Variants in CPS1 observed in about 807,000 individuals in gnomAD.
CPS1 encodes carbamoyl-phosphate synthase 1, also known as carbamoyl-phosphate synthase [ammonia], mitochondrial.
CPS1 carries 109 observed loss-of-function variants against 174.6 expected under a neutral mutation model. The observed-to-expected ratio is 0.62, with a 90% CI of 0.53 to 0.73. The LOEUF (loss-of-function observed/expected upper bound fraction) is 0.73. CPS1 is among the 30% of genes least tolerant of loss of function. The pLI is 0.00. For missense variants in CPS1, 1,689 were observed against 1,821.9 expected, an observed-to-expected ratio of 0.93 and a Z score of 1.33; for synonymous variants, 637 against 632.0, an observed-to-expected ratio of 1.01 and a Z score of -0.12.
intron 32 of CPS1, 47 bp downstream of exon 32, chr2:210,660,702 A>G: frequency 6.5e-7 from 1 of 1,546,888 alleles, no homozygotes; most frequent in Non-Finnish European, 8.9e-7. Flanking sequence ...TTCTAGTGAA[A>G]TTAAAAGAAC....
chr2:210,663,442 T>C (rs1700988766), intron 33 of CPS1, among the ~76,000 whole-genome samples: 1 of 152,216 alleles, frequency 6.6e-6, no homozygotes, highest in South Asian at 2.1e-4. Context: ...CATGAGAACA[T>C]CTTCCAGGTA....
intron 21 of CPS1, among the ~76,000 whole-genome samples, chr2:210,628,756 C>T (rs1443135449): frequency 2.6e-5 from 4 of 151,490 alleles, no homozygotes; most frequent in East Asian, 1.9e-4. Context: ...GCCAAGATCA[C>T]GCCACTGCAC....
At chr2:210,547,063 A>G (rs1386231791) in intron 1 of CPS1, among the ~76,000 whole-genome samples, 1 of 152,064 alleles carries the variant, frequency 6.6e-6, no homozygotes, top group Non-Finnish European at 1.5e-5. Context: ...AGTGTTGAAG[A>G]GCCATCTTGG....
rs924071330 is a variant in CPS1 at position 210,485,557 on chromosome 2, C to T, written c.3+7791C>T. Among the ~76,000 whole-genome samples the T allele has an allele frequency of 3.3e-5, 5 of 152,122 alleles. No individual in the cohort carries two copies. In the East Asian group the frequency reaches 9.7e-4, roughly 29 times the overall value. ...TATAGTATGTAATTCTGATTTTTTT[C>T]ACTCAGTATAATTATTTTTAGATTT... is the stretch of plus-strand genomic sequence containing the variant. On this transcript the variant is annotated intron_variant, in intron 1 of 38. Transcript: ENST00000430249.
intron 1 of CPS1, among the ~76,000 whole-genome samples, chr2:210,505,991 A>T (rs1012520057): frequency 5.0e-4 from 76 of 152,222 alleles, no homozygotes; most frequent in Middle Eastern, 3.4e-3. Context: ...GGCAGCAGAA[A>T]CCTCTGCAGA....
intron 33 of CPS1, among the ~76,000 whole-genome samples, chr2:210,665,841 A>G (rs1274999798): frequency 6.9e-6 from 1 of 144,756 alleles, no homozygotes; most frequent in Non-Finnish European, 1.5e-5. Context: ...GTATATACCC[A>G]GTAATGGGAT....
At chr2:210,510,061 A>G (rs570771470) in intron 1 of CPS1, among the ~76,000 whole-genome samples, 64 of 152,296 alleles carry the variant, frequency 4.2e-4, no homozygotes, top group Non-Finnish European at 6.5e-4. Flanking sequence ...AAGAGCCCGC[A>G]TCGCCAAGTC....
At chr2:210,579,225 C>T (rs1400162533) in intron 4 of CPS1, among the ~76,000 whole-genome samples, 6 of 152,108 alleles carry the variant, frequency 3.9e-5, no homozygotes, top group Non-Finnish European at 8.8e-5. Context: ...GTGTCTCTAT[C>T]CAACGTAGTC....
At chr2:210,657,888 G>GA (rs1240869175) in intron 30 of CPS1, among the ~76,000 whole-genome samples, 8 of 152,362 alleles carry the variant, frequency 5.3e-5, no homozygotes, top group Middle Eastern at 3.4e-3. Context: ...ATGATCCTCA[G>GA]AACTCAGGAT....
chr2:210,592,837 A>G (rs1698353248), intron 10 of CPS1, 42 bp from the exon 11 acceptor site: 1 of 1,546,180 alleles, frequency 6.5e-7, no homozygotes, highest in Non-Finnish European at 8.9e-7. Context: ...CTTGACATTC[A>G]TTGTTACAGA....
chr2:210,480,419 C>T lies in CPS1; in HGVS notation c.3+2653C>T, dbSNP rs570334575. Reference sequence around the variant, plus strand: ...ACTTTGGTGGACAGTTAATGTCCTCCAATACATGATGGCAGTTTTAGTAAC... The same window carrying T: ...ACTTTGGTGGACAGTTAATGTCCTCTAATACATGATGGCAGTTTTAGTAAC... On this transcript the variant is annotated intron_variant, in intron 1 of 38. Transcript: ENST00000430249. Among the ~76,000 whole-genome samples the T allele has an allele frequency of 2.4e-4, 36 of 152,274 alleles. No homozygotes were observed. The South Asian group carries it at 7.5e-3, about 32-fold the overall frequency.
intron 34 of CPS1, chr2:210,671,648 T>G (rs962508493): frequency 1.3e-5 from 2 of 152,200 alleles, no homozygotes; most frequent in Non-Finnish European, 2.9e-5. Flanking sequence ...AGAGGCTGTT[T>G]TATGTGTCAC....
rs773713162 is a variant in CPS1 at position 210,600,698 on chromosome 2, T to A, written c.1693T>A (p.Phe565Ile). Reference sequence around the variant, plus strand: ...GATCAATGAAAAGATTGCTCCAAGTTTTGCAGTGGAATCGGTAAGGATTCT... The same window carrying A: ...GATCAATGAAAAGATTGCTCCAAGTATTGCAGTGGAATCGGTAAGGATTCT... Reference protein sequence around the residue: ...NEINEKIAPSFAVESIEDALK... With the variant: ...NEINEKIAPSIAVESIEDALK... The change falls in exon 15 of 38, where the codon TTT becomes ATT. Residue 565 changes from phenylalanine (F) to isoleucine (I), a missense_variant. Transcript: ENST00000233072. The A allele has an allele frequency of 2.2e-5, 35 of 1,611,914 alleles. No homozygotes were observed. The highest frequency in any genetic ancestry group is 2.8e-5 in the Non-Finnish European group (33 of 1,178,640).
chr2:210,607,552 C>G (rs762468356), intron 18 of CPS1, among the ~76,000 whole-genome samples: 1 of 151,894 alleles, frequency 6.6e-6, no homozygotes, highest in Non-Finnish European at 1.5e-5. Context: ...TTTAAATGAA[C>G]ACAATATTTA....
At chr2:210,671,983 C>T (rs1047682456) in intron 34 of CPS1, 6 of 152,114 alleles carry the variant, frequency 3.9e-5, no homozygotes, top group African/African-American at 1.2e-4. Context: ...AATGAGTGAA[C>T]GATAGTCTTC....
intron 34 of CPS1, among the ~76,000 whole-genome samples, chr2:210,670,944 A>G (rs549983511): frequency 1.3e-5 from 2 of 152,342 alleles, no homozygotes; most frequent in South Asian, 2.1e-4. Context: ...AATCTATTAC[A>G]TTCCCTGTGT....
chr2:210,492,955 CAT>C (rs1694908047), intron 1 of CPS1, among the ~76,000 whole-genome samples: 1 of 152,018 alleles, frequency 6.6e-6, no homozygotes, highest in Admixed American at 6.6e-5. Context: ...AGTACTGACA[CAT>C]AGATTTTCAA....
At chr2:210,643,504 T>G (rs1341226986) in intron 25 of CPS1, among the ~76,000 whole-genome samples, 1 of 152,238 alleles carries the variant, frequency 6.6e-6, no homozygotes, top group East Asian at 1.9e-4. Context: ...ACTGACAACC[T>G]CATTGATTTC....
At chr2:210,511,657 C>T (rs759125915) in intron 1 of CPS1, among the ~76,000 whole-genome samples, 2 of 152,008 alleles carry the variant, frequency 1.3e-5, no homozygotes, top group East Asian at 1.9e-4. Flanking sequence ...GATAGGCTCA[C>T]GTGATACTCC....
Sources: allele counts gnomAD v4.1 joint callset (sites outside exome capture counted in the v4.1 genomes callset), GRCh38; gene constraint gnomAD v4.1.1; transcripts MANE v1.5; gene names NCBI Gene and HGNC (gene_info 2026-07-23, HGNC 2026-07-21).